Variants in PLEKHA8 observed in about 807,000 individuals in gnomAD.
The protein encoded by PLEKHA8 is pleckstrin homology domain-containing family A member 8.
Under a neutral mutation model 68.2 loss-of-function variants are expected in PLEKHA8, and 36 were observed. That is an observed-to-expected ratio of 0.53 (90% CI 0.40 to 0.70). PLEKHA8 has a LOEUF of 0.70. Among genes scored for constraint, PLEKHA8 ranks in the 30% least tolerant of loss-of-function variants. The pLI, the probability that PLEKHA8 is intolerant of heterozygous loss-of-function variation, is 0.00. For synonymous variants in PLEKHA8, 211 were observed against 216.1 expected, an observed-to-expected ratio of 0.98 and a Z score of 0.20; for missense variants, 505 against 615.4, an observed-to-expected ratio of 0.82 and a Z score of 1.90.
rs1795023055 is a variant in PLEKHA8 at position 30,083,063 on chromosome 7, T to A, written c.*4276T>A. 2 of 981,378 alleles carry A rather than the reference T, an allele frequency of 2.0e-6. No individual in the cohort carries two copies. Among genetic ancestry groups the A allele is most frequent in the African/African-American group, 1.7e-5 (1 of 57,144 alleles). 60.8% of individuals were successfully genotyped at this position (981,378 alleles called of 1,614,324 possible). ...TAATCTATCAACCTTTTTTAAATTT[T>A]AAAATTTTTAGATGTAGAGTTTATA... On this transcript the variant is annotated 3_prime_UTR_variant, in exon 14 of 14. Transcript: ENST00000449726.
chr7:30,061,070 C>G (rs1793398278), intron 10 of PLEKHA8, 128 bp downstream of exon 10: 1 of 826,864 alleles, frequency 1.2e-6, no homozygotes, highest in Non-Finnish European at 1.9e-6. Flanking sequence ...GAGCAAGCAT[C>G]TTTCTTCTCA....
chr7:30,085,485 A>G (rs1333886579), downstream of PLEKHA8, among the ~76,000 whole-genome samples: 2 of 152,218 alleles, frequency 1.3e-5, no homozygotes, highest in Non-Finnish European at 2.9e-5. Flanking sequence ...ATTAGATGAC[A>G]TCTGTAGCAG....
In PLEKHA8 at chr7:30,081,136, G is replaced by T; in HGVS notation, c.*2349G>T. 1.0e-6 allele frequency: 1 copy of T among 985,350 alleles called. No individual in the cohort carries two copies. The highest frequency in any genetic ancestry group is 4.7e-5 in the South Asian group (1 of 21,284). 61.0% of individuals were successfully genotyped at this position (985,350 alleles called of 1,614,324 possible). A position where few individuals can be genotyped will look rare whatever the true frequency, so the allele number is the denominator to read the frequency against. On this transcript the variant is annotated 3_prime_UTR_variant, in exon 14 of 14. Transcript: ENST00000449726. ...AGATGTACACAACTTAATTTGCTGGGAATGAGGGGCTTAATATTATCTGAG... is the reference window on the plus strand; with the variant it reads ...AGATGTACACAACTTAATTTGCTGGTAATGAGGGGCTTAATATTATCTGAG...
At chr7:30,063,235 A>G (rs1364813255) in intron 12 of PLEKHA8, among the ~76,000 whole-genome samples, 2 of 152,192 alleles carry the variant, frequency 1.3e-5, no homozygotes, top group Non-Finnish European at 2.9e-5. Context: ...TAAAGCCAAA[A>G]TGGGATGAAG....
At position 30,056,310 on chromosome 7, in the gene PLEKHA8, C is replaced by CTATATA. The variant is rs1162112994; in HGVS notation, c.1039+969_1039+970insATATAT. Among the ~76,000 whole-genome samples, 149 of 72,170 alleles carry CTATATA rather than the reference C, an allele frequency of 2.1e-3. 2 individuals carry two copies. The highest frequency in any genetic ancestry group is 0.018 in the East Asian group (33 of 1,806). 47.3% of individuals were successfully genotyped at this position (72,170 alleles called of 152,430 possible). A position where few individuals can be genotyped will look rare whatever the true frequency, so the allele number is the denominator to read the frequency against. ...TCTCTCTCTCTCTCTCTCTCTCTCTCTCTATATATATATATATATATAAAT... is the reference window on the plus strand; with the variant it reads ...TCTCTCTCTCTCTCTCTCTCTCTCTCTATATATCTATATATATATATATATATAAAT... On this transcript the variant is annotated intron_variant, in intron 9 of 13. Coordinates refer to ENST00000449726, the MANE Select transcript of PLEKHA8 (RefSeq NM_001197026.2).
chr7:30,103,213 A>G (rs1484958462), intron 13 of PLEKHA8, among the ~76,000 whole-genome samples: 5 of 152,264 alleles, frequency 3.3e-5, no homozygotes, highest in Non-Finnish European at 5.9e-5. Flanking sequence ...TGCATAAGAA[A>G]TGATGCACAA....
At chr7:30,115,287 T>C (rs1796392038) in intron 13 of PLEKHA8, among the ~76,000 whole-genome samples, 1 of 152,202 alleles carries the variant, frequency 6.6e-6, no homozygotes, top group African/African-American at 2.4e-5. Context: ...ATGATGTTAA[T>C]TATTTTCTCT....
At chr7:30,090,402 AAGC>A in exon 13 of PLEKHA8, 2 of 508,710 alleles carry the variant, frequency 3.9e-6, no homozygotes, top group Non-Finnish European at 6.9e-6. Context: ...AAGTTCTCTT[AAGC>A]AGGTAAGAAC....
chr7:30,033,425 G>A (rs1362168036), intron 1 of PLEKHA8, among the ~76,000 whole-genome samples: 5 of 151,932 alleles, frequency 3.3e-5, no homozygotes, highest in South Asian at 2.1e-4. Context: ...CTGCTTTCCC[G>A]TAGCATAATG....
chr7:30,070,358 T>G (rs925909574), intron 12 of PLEKHA8, among the ~76,000 whole-genome samples: 1 of 152,078 alleles, frequency 6.6e-6, no homozygotes, highest in African/African-American at 2.4e-5. Flanking sequence ...GTACAAACAC[T>G]CTCCCATCCT....
intron 12 of PLEKHA8, among the ~76,000 whole-genome samples, chr7:30,067,558 C>G (rs1793940043): frequency 6.6e-6 from 1 of 152,176 alleles, no homozygotes; most frequent in Admixed American, 6.5e-5. Context: ...AGTTAAGTGC[C>G]CACGTGTCAC....
downstream of PLEKHA8, among the ~76,000 whole-genome samples, chr7:30,095,280 G>C (rs1795567470): frequency 6.6e-6 from 1 of 152,248 alleles, no homozygotes; most frequent in Non-Finnish European, 1.5e-5. Context: ...GGCCAGTGAT[G>C]ATGAGCATTT....
intron 12 of PLEKHA8, among the ~76,000 whole-genome samples, chr7:30,065,318 C>T (rs1057348073): frequency 6.6e-6 from 1 of 152,062 alleles, no homozygotes; most frequent in Non-Finnish European, 1.5e-5. Context: ...GATTTAAATC[C>T]TATCTTTGTG....
At chr7:30,100,769 T>C (rs1181675438) in intron 13 of PLEKHA8, among the ~76,000 whole-genome samples, 2 of 152,110 alleles carry the variant, frequency 1.3e-5, no homozygotes, top group Non-Finnish European at 2.9e-5. Context: ...ATAAAAGGTA[T>C]ACAGATTGAA....
intron 12 of PLEKHA8, among the ~76,000 whole-genome samples, chr7:30,065,332 A>G (rs949838512): frequency 6.6e-6 from 1 of 152,116 alleles, no homozygotes; most frequent in African/African-American, 2.4e-5. Context: ...CTTTGTGGAA[A>G]TCCCTAGTTT....
intron 1 of PLEKHA8, among the ~76,000 whole-genome samples, chr7:30,037,063 T>C (rs1791156473): frequency 6.6e-6 from 1 of 152,170 alleles, no homozygotes; most frequent in Admixed American, 6.5e-5. Flanking sequence ...GCGCTTAGGT[T>C]GGATATTGGA....
intron 9 of PLEKHA8, 92 bp from the exon 10 acceptor site, chr7:30,060,792 G>T: frequency 1.0e-6 from 1 of 985,788 alleles, no homozygotes; most frequent in Non-Finnish European, 1.5e-6. Context: ...TAAAGTTGTT[G>T]GGGATCTGCT....
chr7:30,077,353 G>T (rs1056382803), intron 13 of PLEKHA8, among the ~76,000 whole-genome samples: 1 of 152,066 alleles, frequency 6.6e-6, no homozygotes, highest in Non-Finnish European at 1.5e-5. Flanking sequence ...CTATCCTCCA[G>T]TTCTGGGAGA....
At chr7:30,073,691 G>A (rs921287896) in intron 12 of PLEKHA8, among the ~76,000 whole-genome samples, 2 of 150,916 alleles carry the variant, frequency 1.3e-5, no homozygotes, top group Non-Finnish European at 2.9e-5. Flanking sequence ...GTGCTACTAT[G>A]CATTATACAA....
Sources: gnomAD v4.1 joint callset for allele counts (sites outside exome capture counted in the v4.1 genomes callset) on GRCh38, gnomAD v4.1.1 for gene constraint, MANE v1.5 for transcripts, NCBI Gene and HGNC (gene_info 2026-07-23, HGNC 2026-07-21) for gene names.